Variants in PTPRG observed in about 807,000 individuals in gnomAD.
The protein encoded by PTPRG is receptor-type tyrosine-protein phosphatase gamma.
A neutral mutation model predicts 165.3 loss-of-function variants in PTPRG; 102 were observed. That is an observed-to-expected ratio of 0.62 (90% confidence interval 0.53 to 0.73). The LOEUF (loss-of-function observed/expected upper bound fraction) is 0.73, where lower values mean the gene tolerates loss of function less well. PTPRG is among the 30% of genes least tolerant of loss of function. The pLI, the probability that PTPRG is intolerant of heterozygous loss-of-function variation, is 0.00. For synonymous variants in PTPRG, 675 were observed against 669.5 expected (o/e 1.01, Z -0.13); for missense variants, 1,866 against 1,861.4 (o/e 1.00, Z -0.05).
At chr3:61,568,335 G>C (rs572987972) in intron 1 of PTPRG, among the ~76,000 whole-genome samples, 1 of 152,314 alleles carries the variant, frequency 6.6e-6, no homozygotes, top group East Asian at 1.9e-4. Context: ...TGTGATGATT[G>C]AGATGTAGAA....
intron 6 of PTPRG, among the ~76,000 whole-genome samples, chr3:62,138,757 A>G (rs953582937): frequency 1.3e-5 from 2 of 150,270 alleles, no homozygotes; most frequent in African/African-American, 4.9e-5. Flanking sequence ...ATACATGTGC[A>G]TTATACGTCG....
chr3:61,702,839 G>A (rs1480802872), intron 1 of PTPRG, among the ~76,000 whole-genome samples: 2 of 152,174 alleles, frequency 1.3e-5, no homozygotes, highest in Non-Finnish European at 2.9e-5. Context: ...TTTAGTTATT[G>A]ATTATACAAC....
At chr3:61,946,354 G>T (rs892374178) in intron 2 of PTPRG, among the ~76,000 whole-genome samples, 3 of 152,352 alleles carry the variant, frequency 2.0e-5, no homozygotes, top group African/African-American at 7.2e-5. Context: ...TGCCATGCCT[G>T]TGAGGTTTGA....
chr3:61,876,212 C>T (rs2037736013), intron 2 of PTPRG, among the ~76,000 whole-genome samples: 1 of 152,152 alleles, frequency 6.6e-6, no homozygotes, highest in South Asian at 2.1e-4. Flanking sequence ...GGATATTCTA[C>T]AGTAAGTGAT....
At chr3:62,270,759 G>A (rs1702034348) in intron 20 of PTPRG, among the ~76,000 whole-genome samples, 2 of 152,102 alleles carry the variant, frequency 1.3e-5, no homozygotes, top group South Asian at 4.1e-4. Flanking sequence ...TCGTATCATA[G>A]CAAATAATCT....
chr3:62,260,277 CT>C (rs1160134211), intron 16 of PTPRG, among the ~76,000 whole-genome samples: 3 of 152,132 alleles, frequency 2.0e-5, no homozygotes, highest in Non-Finnish European at 4.4e-5. Context: ...TCTCAGCTAC[CT>C]TTTTGGAACT....
chr3:61,698,821 A>G (rs975077137), intron 1 of PTPRG, among the ~76,000 whole-genome samples: 1 of 152,228 alleles, frequency 6.6e-6, no homozygotes, highest in Admixed American at 6.5e-5. Flanking sequence ...CATATACACC[A>G]TGGAATACTA....
At chr3:62,081,310 A>G (rs909404400) in intron 5 of PTPRG, among the ~76,000 whole-genome samples, 4 of 152,062 alleles carry the variant, frequency 2.6e-5, no homozygotes, top group South Asian at 2.1e-4. Flanking sequence ...ATAATTTTAC[A>G]TAGATAGCAG....
At chr3:61,636,565 G>C (rs1193828360) in intron 1 of PTPRG, among the ~76,000 whole-genome samples, 2 of 152,150 alleles carry the variant, frequency 1.3e-5, no homozygotes, top group Non-Finnish European at 2.9e-5. Context: ...CAAGTGATCT[G>C]CCTGCCTTGG....
chr3:61,633,769 C>G (rs1050794518), intron 1 of PTPRG, among the ~76,000 whole-genome samples: 26 of 152,062 alleles, frequency 1.7e-4, no homozygotes, highest in Non-Finnish European at 2.9e-4. Context: ...ACATCTTTAT[C>G]TTGTACCTTA....
chr3:61,941,360 C>T (rs1483116759), intron 2 of PTPRG, among the ~76,000 whole-genome samples: 5 of 152,166 alleles, frequency 3.3e-5, no homozygotes, highest in Admixed American at 6.5e-5. Context: ...CATGGTGGCT[C>T]ACGCCGGTAA....
intron 28 of PTPRG, among the ~76,000 whole-genome samples, chr3:62,291,100 A>AGAT (rs1443674634): frequency 6.6e-6 from 1 of 152,184 alleles, no homozygotes; most frequent in Non-Finnish European, 1.5e-5. Context: ...GAGGAAATAT[A>AGAT]GATGGTCAGT....
intron 1 of PTPRG, among the ~76,000 whole-genome samples, chr3:61,582,773 A>G (rs1559511752): frequency 6.6e-6 from 1 of 152,170 alleles, no homozygotes; most frequent in East Asian, 1.9e-4. Context: ...ATTGCAAGGA[A>G]GATAATGGAT....
chr3:62,002,261 G>T (rs745464046), intron 3 of PTPRG, among the ~76,000 whole-genome samples: 2 of 152,176 alleles, frequency 1.3e-5, no homozygotes, highest in Non-Finnish European at 2.9e-5. Flanking sequence ...TTTCATGCAG[G>T]ATTTCTCGCT....
In PTPRG at chr3:61,822,574, A is replaced by T. The variant is rs1427950695; in HGVS notation, c.190+73592A>T. 5.9e-5 allele frequency among the ~76,000 whole-genome samples: 9 copies of T among 152,228 alleles called. No individual in the cohort carries two copies. In the East Asian group the frequency reaches 1.7e-3, roughly 29 times the overall value. On this transcript the variant is annotated intron_variant, in intron 2 of 29. Coordinates refer to ENST00000474889, the MANE Select transcript of PTPRG (RefSeq NM_002841.4). ...GGATCTTTCCTGTTTGGAAAAACCA[A>T]ATGGACAAGAAAAATAAATCAAGCA...
intron 1 of PTPRG, among the ~76,000 whole-genome samples, chr3:61,614,176 TC>T (rs1701248335): frequency 6.6e-6 from 1 of 152,168 alleles, no homozygotes; most frequent in South Asian, 2.1e-4. Context: ...GCTCCAGCCT[TC>T]ATGGCTGGGA....
At chr3:61,902,397 G>T (rs2038521249) in intron 2 of PTPRG, among the ~76,000 whole-genome samples, 1 of 152,120 alleles carries the variant, frequency 6.6e-6, no homozygotes, top group Non-Finnish European at 1.5e-5. Flanking sequence ...AGGCCCAAGG[G>T]AACAAATGTA....
At chr3:61,643,309 CAG>C (rs1482851267) in intron 1 of PTPRG, among the ~76,000 whole-genome samples, 2 of 151,672 alleles carry the variant, frequency 1.3e-5, no homozygotes, top group African/African-American at 2.4e-5. Context: ...GACAGACAGA[CAG>C]AGACAGACAT....
At chr3:61,674,799 C>CTT (rs760055703) in intron 1 of PTPRG, among the ~76,000 whole-genome samples, 3 of 152,176 alleles carry the variant, frequency 2.0e-5, no homozygotes, top group Non-Finnish European at 4.4e-5. Flanking sequence ...GCCAGTGTCA[C>CTT]TAGGTGATAA....
Sources: allele counts gnomAD v4.1 joint callset (sites outside exome capture counted in the v4.1 genomes callset), GRCh38; gene constraint gnomAD v4.1.1; transcripts MANE v1.5; gene names NCBI Gene and HGNC (gene_info 2026-07-23, HGNC 2026-07-21).